The following PRDM7 variants were observed in gnomAD, a reference collection of about 807,000 sequenced individuals.
The protein encoded by PRDM7 is histone-lysine N-methyltransferase PRDM7.
In PRDM7, 52 loss-of-function variants were observed where a neutral mutation model predicts 64.3. The observed-to-expected ratio is 0.81, with a 90% CI of 0.65 to 1.02. The LOEUF is 1.02. PRDM7 is among the 50% of genes least tolerant of loss of function. The pLI is 0.00. For synonymous variants in PRDM7, 192 were observed against 210.1 expected (o/e 0.91, Z 0.74); for missense variants, 574 against 597.1 (o/e 0.96, Z 0.40).
chr16:90,060,695 A>G lies in PRDM7; in HGVS notation c.951-72T>C, dbSNP rs2037761261. 1.3e-5 allele frequency: 20 copies of G among 1,577,736 alleles called. No individual in the cohort carries two copies. The South Asian group carries it at 2.2e-4, about 17-fold the overall frequency. ...TCCAGGCAGGATGACTACAATGCTC[A>G]TCCTGCCTAGAATGCTTCCCTGCTG... On this transcript the variant is annotated intron_variant, in intron 9 of 10. Transcript: ENST00000449207.
intron 9 of PRDM7, 121 bp downstream of exon 9, chr16:90,061,331 T>C (rs1187453693): frequency 3.0e-6 from 3 of 987,376 alleles, no homozygotes; most frequent in Non-Finnish European, 4.6e-6. Context: ...CAGCATTGTA[T>C]GGAGAAAAAT....
chr16:90,060,800 G>C (rs947760627), intron 9 of PRDM7, among the ~76,000 whole-genome samples, 177 bp from the exon 10 acceptor site: 1 of 152,184 alleles, frequency 6.6e-6, no homozygotes, highest in African/African-American at 2.4e-5. Context: ...TTGACCTCTA[G>C]CTTCTCTAAA....
intron 10 of PRDM7, among the ~76,000 whole-genome samples, chr16:90,060,118 A>G (rs1240309570): frequency 6.6e-6 from 1 of 152,224 alleles, no homozygotes; most frequent in East Asian, 1.9e-4. Context: ...TACTTTGTGC[A>G]TGAAGTACTT....
At position 90,056,881 on chromosome 16, in the gene PRDM7, G is replaced by C. The variant is rs28483607; in HGVS notation, c.*1408C>G. 6.6e-6 allele frequency: 1 copy of C among 152,230 alleles called. No individual in the cohort carries two copies. Among genetic ancestry groups the C allele is most frequent in the Non-Finnish European group, 1.5e-5 (1 of 68,078 alleles). The allele number at this position is 152,230 out of a possible 1,614,324, so 9.4% of individuals were successfully genotyped here. On this transcript the variant is annotated 3_prime_UTR_variant, in exon 11 of 11. Coordinates refer to ENST00000449207, the MANE Select transcript of PRDM7 (RefSeq NM_001098173.2). The stretch of plus-strand genomic sequence containing the variant: ...GTCAGGCCGGCCCAGGCCTGGTTTC[G>C]GGTCTGGTTCCTTGGTTTCAGGTCT...
chr16:90,072,832 A>G (rs2037980805), intron 4 of PRDM7, among the ~76,000 whole-genome samples: 1 of 152,242 alleles, frequency 6.6e-6, no homozygotes, highest in South Asian at 2.1e-4. Context: ...TTCCCTCTAA[A>G]GAGACATTCT....
At chr16:90,073,648 C>T (rs2037993992) in intron 4 of PRDM7, among the ~76,000 whole-genome samples, 1 of 152,102 alleles carries the variant, frequency 6.6e-6, no homozygotes, top group South Asian at 2.1e-4. Context: ...ATTCGCCTGC[C>T]TCGGCCTCCC....
rs1295049464 is a variant in PRDM7 at position 90,060,614 on chromosome 16, G to A, written c.960C>T (p.Asn320=). ...TCTGCTCTTCATCATCCCGGGCACA[G>A]TTCACATACCTGGGGTCAAGGCAGG... ...KSSANWMRYV[N]CARDDEEQNL... Residue 320 remains asparagine (N), a synonymous_variant, in exon 10 of 11, where the codon AAC becomes AAT. Transcript: ENST00000449207. 3 of 1,614,104 alleles carry A rather than the reference G, an allele frequency of 1.9e-6. No individual in the cohort carries two copies. The highest frequency in any genetic ancestry group is 2.2e-5 in the South Asian group (2 of 91,076).
Position 90,061,483 on chromosome 16 carries a change from C to T in PRDM7, c.919G>A (p.Gly307Arg), listed in dbSNP as rs1471487346. ...CAGTTGGCCGAGGATTTATCTTTTC[C>T]ATCCACATACTCATAGCAGTTTCTC... ...KGRNCYEYVD[G>R]KDKSSANWMR... Residue 307 changes from glycine to arginine, a missense_variant, in exon 9 of 11, where the codon GGA (glycine) becomes AGA (arginine). Coordinates refer to ENST00000449207, the MANE Select transcript of PRDM7 (RefSeq NM_001098173.2). The T allele has an allele frequency of 6.2e-7, 1 of 1,606,678 alleles. No individual in the cohort carries two copies. The highest frequency in any genetic ancestry group is 1.1e-5 in the South Asian group (1 of 90,928).
chr16:90,064,698 G>A (rs2037842718), intron 5 of PRDM7, among the ~76,000 whole-genome samples: 1 of 146,986 alleles, frequency 6.8e-6, no homozygotes, highest in Admixed American at 6.7e-5. Flanking sequence ...ATATGTAAGA[G>A]CCCCCGCACC....
At chr16:90,066,366 T>C (rs1461496967) in intron 5 of PRDM7, among the ~76,000 whole-genome samples, 3 of 151,042 alleles carry the variant, frequency 2.0e-5, no homozygotes, top group Non-Finnish European at 2.9e-5. Flanking sequence ...AAAACTGAGG[T>C]TGAAAAATCA....
At chr16:90,066,627 T>G (rs12445466) in intron 5 of PRDM7, among the ~76,000 whole-genome samples, 106,428 of 150,818 alleles carry the variant, frequency 0.71, 41,951 homozygotes, top group Middle Eastern at 0.92. Context: ...ATGTAAAGTT[T>G]ATTCATGTAA....
chr16:90,061,702 C>T (rs2037780591), intron 8 of PRDM7, among the ~76,000 whole-genome samples, 183 bp from the exon 9 acceptor site: 1 of 152,160 alleles, frequency 6.6e-6, no homozygotes, highest in African/African-American at 2.4e-5. Context: ...AGCAGAAGCT[C>T]CAAAAGGGAG....
At chr16:90,066,956 A>C in intron 4 of PRDM7, 46 bp from the exon 5 acceptor site, 43 of 1,502,414 alleles carry the variant, frequency 2.9e-5, no homozygotes, top group Non-Finnish European at 3.9e-5. Flanking sequence ...AAATGTTTCC[A>C]AACTCTAGAG....
chr16:90,077,168 G>GT (rs1490377460), intron 1 of PRDM7, 58 bp downstream of exon 1: 1 of 152,300 alleles, frequency 6.6e-6, no homozygotes, highest in African/African-American at 2.4e-5. Flanking sequence ...GCTTCTCAGG[G>GT]TGAGGGGATC....
Position 90,062,226 on chromosome 16 carries a change from G to A in PRDM7, c.611-34C>T, listed in dbSNP as rs1307530568. 7 of 1,614,246 alleles carry A rather than the reference G, an allele frequency of 4.3e-6. No individual in the cohort carries two copies. In the East Asian group the frequency reaches 1.3e-4, roughly 31 times the overall value. On this transcript the variant is annotated intron_variant, in intron 7 of 10. Transcript: ENST00000449207. Reference sequence around the variant, plus strand: ...GAGGGAAGCAGGGATTAGGAAAGTTGTAATGCATGTTCCTTGATATAAGAG... The same window carrying A: ...GAGGGAAGCAGGGATTAGGAAAGTTATAATGCATGTTCCTTGATATAAGAG...
Position 90,062,011 on chromosome 16 carries a change from T to A in PRDM7, c.792A>T (p.Ala264=). Residue 264 remains alanine (A), a synonymous_variant, in exon 8 of 11, where the codon GCA becomes GCT. Coordinates refer to ENST00000449207, the MANE Select transcript of PRDM7 (RefSeq NM_001098173.2). ...AGTGCAGACCCAGTGGCAGATCAGA[T>A]GCCTCGTTCCATACTCCAAGCCCAG... ...PQAGLGVWNE[A]SDLPLGLHFG... The A allele has an allele frequency of 1.2e-6, 2 of 1,614,266 alleles. No homozygotes were observed. The highest frequency in any genetic ancestry group is 1.7e-6 in the Non-Finnish European group (2 of 1,180,050).
chr16:90,061,781 G>C, intron 8 of PRDM7, 140 bp downstream of exon 8: 1 of 1,386,160 alleles, frequency 7.2e-7, no homozygotes, highest in Non-Finnish European at 1.0e-6. Context: ...GGAGTTCCAT[G>C]TTCATGCAAA....
In PRDM7 at chr16:90,062,208, G is replaced by A; in HGVS notation, c.611-16C>T. 6.2e-7 allele frequency: 1 copy of A among 1,614,272 alleles called. No homozygotes were observed. ...ATCTCACAATCTGGAAGTGAGGGAAGCAGGGATTAGGAAAGTTGTAATGCA... is the reference window on the plus strand; with the variant it reads ...ATCTCACAATCTGGAAGTGAGGGAAACAGGGATTAGGAAAGTTGTAATGCA... On this transcript the variant is annotated splice_polypyrimidine_tract_variant and intron_variant, in intron 7 of 10. Transcript: ENST00000449207.
intron 4 of PRDM7, among the ~76,000 whole-genome samples, chr16:90,067,193 T>TG (rs2037888708): frequency 6.6e-6 from 1 of 151,152 alleles, no homozygotes; most frequent in South Asian, 2.1e-4. Flanking sequence ...CTCGAACTCC[T>TG]GACCTTAGGT....
Sources: allele counts gnomAD v4.1 joint callset (sites outside exome capture counted in the v4.1 genomes callset), GRCh38; gene constraint gnomAD v4.1.1; transcripts MANE v1.5; gene names NCBI Gene and HGNC (gene_info 2026-07-23, HGNC 2026-07-21).